Variants in KAZN observed in about 807,000 individuals in gnomAD.
The protein encoded by KAZN is kazrin.
KAZN carries 40 observed loss-of-function variants against 87.4 expected under a neutral mutation model. The observed-to-expected ratio is 0.46, with a 90% confidence interval of 0.36 to 0.60. The LOEUF is 0.60. Among genes scored for constraint, KAZN ranks in the 20% least tolerant of loss-of-function variants. The pLI is 0.00. For synonymous variants in KAZN, 466 were observed against 458.3 expected, an observed-to-expected ratio of 1.02 and a Z score of -0.22; for missense variants, 898 against 1,073.9, an observed-to-expected ratio of 0.84 and a Z score of 2.29.
chr1:14,913,205 C>T (rs548865228), intron 1 of KAZN, among the ~76,000 whole-genome samples: 1 of 152,304 alleles, frequency 6.6e-6, no homozygotes, highest in African/African-American at 2.4e-5. Context: ...GGATTAGGCT[C>T]ACCCAGCGGC....
At chr1:14,076,748 G>T (rs1000129436) in intron 1 of KAZN, among the ~76,000 whole-genome samples, 3 of 152,134 alleles carry the variant, frequency 2.0e-5, no homozygotes, top group African/African-American at 4.8e-5. Context: ...TGAGAGGCCT[G>T]CAAAGCCTAA....
chr1:14,664,773 C>T (rs1218064282), intron 1 of KAZN, among the ~76,000 whole-genome samples: 2 of 151,672 alleles, frequency 1.3e-5, no homozygotes, highest in East Asian at 3.9e-4. Flanking sequence ...CCTGCCTCAG[C>T]CTCCCGAGTA....
At chr1:14,035,883 GA>G (rs1228616832) in intron 1 of KAZN, among the ~76,000 whole-genome samples, 1 of 151,848 alleles carries the variant, frequency 6.6e-6, no homozygotes, top group African/African-American at 2.4e-5. Context: ...TGTCTTTTAA[GA>G]AAAAAAGAAG....
intron 2 of KAZN, among the ~76,000 whole-genome samples, chr1:14,235,087 A>C (rs2486923): frequency 0.47 from 70,983 of 152,124 alleles, 17,811 homozygotes; most frequent in Non-Finnish European, 0.57. Context: ...TTATGCACAG[A>C]TGCTCACAGC....
chr1:14,074,766 G>A (rs1643386550), intron 1 of KAZN, among the ~76,000 whole-genome samples: 1 of 152,142 alleles, frequency 6.6e-6, no homozygotes. Flanking sequence ...ATTAGCAACG[G>A]ACTGAGATGC....
intron 1 of KAZN, among the ~76,000 whole-genome samples, chr1:14,801,663 A>G (rs1330258910): frequency 6.6e-6 from 1 of 151,098 alleles, no homozygotes; most frequent in Non-Finnish European, 1.5e-5. Flanking sequence ...GGTCTCTCCT[A>G]AAGTTTTTTT....
intron 2 of KAZN, among the ~76,000 whole-genome samples, chr1:14,499,197 G>A (rs903876903): frequency 2.6e-5 from 4 of 152,112 alleles, no homozygotes; most frequent in Admixed American, 6.5e-5. Context: ...CTCTAGCTCA[G>A]GCAAGTCGTG....
chr1:14,312,651 G>T (rs12042048), intron 2 of KAZN, among the ~76,000 whole-genome samples: 1 of 151,934 alleles, frequency 6.6e-6, no homozygotes, highest in African/African-American at 2.4e-5. Flanking sequence ...TGTACTGGGC[G>T]TAGTAACTTG....
In KAZN at chr1:15,117,639, A is replaced by C. The variant is rs959189081; in HGVS notation, c.*3004A>C. On this transcript the variant is annotated 3_prime_UTR_variant, in exon 15 of 15. Coordinates refer to ENST00000376030, the MANE Select transcript of KAZN (RefSeq NM_201628.3). ...GGCTGGGTACTGGCAGAACAGGAAG[A>C]TTTGGCCAGAGGTGACCTCAGTGTT... is the stretch of plus-strand genomic sequence containing the variant. 1 of 151,848 alleles carries C rather than the reference A, an allele frequency of 6.6e-6. No homozygotes were observed. Among genetic ancestry groups the C allele is most frequent in the Non-Finnish European group, 1.5e-5 (1 of 68,200 alleles). 9.4% of individuals were successfully genotyped at this position (151,848 alleles called of 1,614,324 possible). A position where few individuals can be genotyped will look rare whatever the true frequency, so the allele number is the denominator to read the frequency against.
chr1:14,119,034 A>AACAG (rs1357667596), intron 1 of KAZN, among the ~76,000 whole-genome samples: 5 of 151,798 alleles, frequency 3.3e-5, no homozygotes, highest in African/African-American at 1.2e-4. Flanking sequence ...AAAACAAACA[A>AACAG]AAAAAACAAA....
intron 1 of KAZN, among the ~76,000 whole-genome samples, chr1:14,721,065 A>G (rs564893963): frequency 3.3e-4 from 50 of 152,348 alleles, no homozygotes; most frequent in Non-Finnish European, 5.1e-4. Flanking sequence ...GCTCTGGGCC[A>G]CAGGAGGCCT....
chr1:14,541,577 C>G (rs1672814913), intron 2 of KAZN, among the ~76,000 whole-genome samples: 1 of 152,164 alleles, frequency 6.6e-6, no homozygotes, highest in Admixed American at 6.5e-5. Context: ...CGTGCTTCCT[C>G]TAAAACTGGC....
chr1:14,294,472 T>C (rs953879291), intron 2 of KAZN, among the ~76,000 whole-genome samples: 2 of 151,912 alleles, frequency 1.3e-5, no homozygotes, highest in African/African-American at 4.8e-5. Flanking sequence ...CATGGCATCC[T>C]TGCAAGCTAC....
At chr1:14,692,859 G>C (rs1641398504) in intron 1 of KAZN, among the ~76,000 whole-genome samples, 1 of 152,216 alleles carries the variant, frequency 6.6e-6, no homozygotes, top group Non-Finnish European at 1.5e-5. Flanking sequence ...CTTGAATCTG[G>C]GAGGTGGAGG....
intron 1 of KAZN, among the ~76,000 whole-genome samples, chr1:14,034,986 A>G (rs1641487598): frequency 6.6e-6 from 1 of 152,120 alleles, no homozygotes; most frequent in Non-Finnish European, 1.5e-5. Context: ...AGCATGATAA[A>G]ACTCTCATTT....
intron 1 of KAZN, among the ~76,000 whole-genome samples, chr1:13,958,968 C>G (rs1641652641): frequency 6.6e-6 from 1 of 152,080 alleles, no homozygotes; most frequent in Admixed American, 6.5e-5. Flanking sequence ...TCCATCCCAC[C>G]CATCCTGGTT....
At chr1:13,951,632 A>G (rs1373213857) in intron 1 of KAZN, among the ~76,000 whole-genome samples, 1 of 3,574 alleles carries the variant, frequency 2.8e-4, no homozygotes, top group Non-Finnish European at 6.2e-4. Context: ...AGATAATAAT[A>G]ATAATAATAA....
At chr1:14,052,246 CTGTG>C (rs1189407550) in intron 1 of KAZN, among the ~76,000 whole-genome samples, 3 of 152,238 alleles carry the variant, frequency 2.0e-5, no homozygotes, top group Admixed American at 2.0e-4. Context: ...TGATAATTAT[CTGTG>C]TGTTTACACA....
At chr1:14,722,339 G>A (rs1461891706) in intron 1 of KAZN, among the ~76,000 whole-genome samples, 1 of 151,982 alleles carries the variant, frequency 6.6e-6, no homozygotes, top group African/African-American at 2.4e-5. Context: ...AAGAAATTAG[G>A]TGCTTCACAA....
Sources: allele counts gnomAD v4.1 joint callset (sites outside exome capture counted in the v4.1 genomes callset), GRCh38; gene constraint gnomAD v4.1.1; transcripts MANE v1.5; gene names NCBI Gene and HGNC (gene_info 2026-07-23, HGNC 2026-07-21).